ZFPM2: variants seen among roughly 807,000 people sequenced by gnomAD.
ZFPM2 encodes zinc finger protein, FOG family member 2, also known as zinc finger protein ZFPM2.
Under a neutral mutation model 98.6 loss-of-function variants are expected in ZFPM2, and 20 were observed. The observed-to-expected ratio is 0.20, with a 90% CI of 0.14 to 0.29. The LOEUF (loss-of-function observed/expected upper bound fraction) is 0.29, where lower values mean the gene tolerates loss of function less well. ZFPM2 is among the 10% of genes least tolerant of loss of function. The pLI is 1.00. For missense variants in ZFPM2, 1,310 were observed against 1,388.6 expected, an observed-to-expected ratio of 0.94 and a Z score of 0.90; for synonymous variants, 518 against 502.7, an observed-to-expected ratio of 1.03 and a Z score of -0.41.
At chr8:105,581,736 A>G (rs1157310436) in intron 4 of ZFPM2, among the ~76,000 whole-genome samples, 1 of 152,218 alleles carries the variant, frequency 6.6e-6, no homozygotes, top group Non-Finnish European at 1.5e-5. Context: ...AACTTTAAAA[A>G]ATAACTTCAA....
intron 1 of ZFPM2, among the ~76,000 whole-genome samples, chr8:105,322,694 G>T (rs1225216608): frequency 2.0e-5 from 3 of 152,000 alleles, no homozygotes; most frequent in African/African-American, 7.2e-5. Flanking sequence ...ATAATGAAAG[G>T]GTGAATTAAG....
chr8:105,477,849 C>T (rs1331475471), intron 3 of ZFPM2, among the ~76,000 whole-genome samples: 2 of 152,228 alleles, frequency 1.3e-5, no homozygotes, highest in Admixed American at 6.5e-5. Context: ...ATAACTGGGC[C>T]TAGAAACTGA....
At chr8:105,364,258 G>A (rs1157781296) in intron 1 of ZFPM2, among the ~76,000 whole-genome samples, 1 of 151,950 alleles carries the variant, frequency 6.6e-6, no homozygotes, top group Non-Finnish European at 1.5e-5. Context: ...CTGGAAGTAG[G>A]AATTGGTTGA....
chr8:105,776,067 A>G (rs2131100235), intron 5 of ZFPM2, among the ~76,000 whole-genome samples: 1 of 152,100 alleles, frequency 6.6e-6, no homozygotes, highest in South Asian at 2.1e-4. Flanking sequence ...AATTATCTTA[A>G]TAGGAGACAT....
chr8:105,520,005 ATT>A (rs965197196), intron 3 of ZFPM2, among the ~76,000 whole-genome samples: 1 of 152,166 alleles, frequency 6.6e-6, no homozygotes, highest in African/African-American at 2.4e-5. Context: ...ACTAAAAAAA[ATT>A]GTTTTGATAA....
chr8:105,743,770 G>T, intron 5 of ZFPM2, among the ~76,000 whole-genome samples: 1 of 152,092 alleles, frequency 6.6e-6, no homozygotes. Context: ...TCCTTCTGCC[G>T]TAAAATGAGA....
intron 5 of ZFPM2, among the ~76,000 whole-genome samples, chr8:105,724,244 A>C (rs1222764990): frequency 6.6e-6 from 1 of 151,910 alleles, no homozygotes; most frequent in Non-Finnish European, 1.5e-5. Context: ...TAGTTGCAGC[A>C]AGAGCTTCAT....
chr8:105,378,192 C>T (rs1810768145), intron 1 of ZFPM2, among the ~76,000 whole-genome samples: 1 of 152,076 alleles, frequency 6.6e-6, no homozygotes, highest in Non-Finnish European at 1.5e-5. Context: ...CTGCAGAAGA[C>T]TAAGTAAAAC....
At chr8:105,652,022 A>T (rs555050304) in intron 5 of ZFPM2, among the ~76,000 whole-genome samples, 1 of 152,232 alleles carries the variant, frequency 6.6e-6, no homozygotes, top group East Asian at 2.0e-4. Context: ...ATGGCAGTGT[A>T]TACAAGAATT....
chr8:105,724,845 T>C (rs532780832), intron 5 of ZFPM2, among the ~76,000 whole-genome samples: 11 of 151,792 alleles, frequency 7.2e-5, no homozygotes, highest in Non-Finnish European at 1.6e-4. Context: ...CACCTATTTC[T>C]TAATTTTTTC....
At chr8:105,786,248 A>G (rs556714188) in intron 5 of ZFPM2, among the ~76,000 whole-genome samples, 1 of 152,278 alleles carries the variant, frequency 6.6e-6, no homozygotes, top group East Asian at 1.9e-4. Flanking sequence ...TAATAAAAAC[A>G]TCACCTTGGA....
At chr8:105,432,759 T>G (rs1203435113) in intron 2 of ZFPM2, among the ~76,000 whole-genome samples, 3 of 152,204 alleles carry the variant, frequency 2.0e-5, no homozygotes, top group Admixed American at 6.5e-5. Context: ...TAATAAAAAT[T>G]ATTTAAATAT....
chr8:105,493,832 T>A (rs1377773448), intron 3 of ZFPM2, among the ~76,000 whole-genome samples: 1 of 152,022 alleles, frequency 6.6e-6, no homozygotes, highest in East Asian at 1.9e-4. Flanking sequence ...ATCCTCCTAT[T>A]TTTTCCTCTA....
intron 5 of ZFPM2, among the ~76,000 whole-genome samples, chr8:105,671,429 C>A (rs2130904867): frequency 6.6e-6 from 1 of 151,888 alleles, no homozygotes; most frequent in South Asian, 2.1e-4. Flanking sequence ...AATTATTCTA[C>A]AACATCTCGT....
chr8:105,619,833 C>T (rs901583074), intron 4 of ZFPM2, among the ~76,000 whole-genome samples: 30 of 152,116 alleles, frequency 2.0e-4, no homozygotes, highest in Admixed American at 7.9e-4. Flanking sequence ...TTTCCAGCTT[C>T]ATCCATGTCC....
chr8:105,683,674 T>G (rs149133312), intron 5 of ZFPM2, among the ~76,000 whole-genome samples: 22 of 152,284 alleles, frequency 1.4e-4, no homozygotes, highest in African/African-American at 5.3e-4. Flanking sequence ...TCCTTTCTTC[T>G]GATTTATTCT....
intron 5 of ZFPM2, 120 bp downstream of exon 5, chr8:105,634,477 C>G: frequency 1.3e-6 from 1 of 791,298 alleles, no homozygotes; most frequent in Non-Finnish European, 2.1e-6. Flanking sequence ...CCTTTTTTCC[C>G]ATTTGAGTTC....
At chr8:105,378,273 A>C (rs1463185018) in intron 1 of ZFPM2, among the ~76,000 whole-genome samples, 2 of 152,182 alleles carry the variant, frequency 1.3e-5, no homozygotes, top group Non-Finnish European at 2.9e-5. Context: ...GGGGTCCCCA[A>C]GGAACACAGT....
Position 105,491,788 on chromosome 8 carries a change from A to G in ZFPM2, c.301+47407A>G, listed in dbSNP as rs1400659465. 2.0e-5 allele frequency among the ~76,000 whole-genome samples: 3 copies of G among 152,312 alleles called. No individual in the cohort carries two copies. In the East Asian group the frequency reaches 5.8e-4, roughly 29 times the overall value. ...GATAGAATAGTGAATTTATTGCCTT[A>G]TATCTACCTTGTAAAAAATGTTCTT... On this transcript the variant is annotated intron_variant, in intron 3 of 7. Transcript: ENST00000407775.
Sources: allele counts gnomAD v4.1 joint callset (sites outside exome capture counted in the v4.1 genomes callset), GRCh38; gene constraint gnomAD v4.1.1; transcripts MANE v1.5; gene names NCBI Gene and HGNC (gene_info 2026-07-23, HGNC 2026-07-21).